CERKL: variants seen among roughly 807,000 people sequenced by gnomAD.
CERKL encodes the protein CERK like autophagy regulator, also known as ceramide kinase-like protein.
A neutral mutation model predicts 63.4 loss-of-function variants in CERKL; 61 were observed. The ratio of observed to expected loss-of-function variants is 0.96; its 90% CI spans 0.78 to 1.19. The LOEUF (loss-of-function observed/expected upper bound fraction) is 1.19. CERKL is among the 50% of genes most tolerant of loss of function. CERKL has a pLI of 0.00. For missense variants in CERKL, 675 were observed against 655.5 expected (o/e 1.03, Z -0.33); for synonymous variants, 250 against 230.5 (o/e 1.08, Z -0.77).
chr2:181,612,629 T>C (rs190083232), intron 1 of CERKL, among the ~76,000 whole-genome samples: 10 of 152,164 alleles, frequency 6.6e-5, no homozygotes, highest in African/African-American at 2.4e-4. Context: ...ATTATAAGAT[T>C]AATAATGGAC....
At chr2:181,566,727 A>T (rs927355879) in intron 3 of CERKL, among the ~76,000 whole-genome samples, 1 of 152,116 alleles carries the variant, frequency 6.6e-6, no homozygotes, top group Non-Finnish European at 1.5e-5. Flanking sequence ...TGAATCTGTC[A>T]CTCTGTATCG....
intron 2 of CERKL, among the ~76,000 whole-genome samples, chr2:181,578,480 T>C (rs1469164888): frequency 6.6e-6 from 1 of 151,950 alleles, no homozygotes. Flanking sequence ...TTATATTTTT[T>C]CTAGAGATGG....
Position 181,537,139 on chromosome 2 carries a change from CGTT to C in CERKL, c.*1042_*1044del. The C allele has an allele frequency of 2.2e-6, 1 of 453,324 alleles. No homozygotes were observed. Among genetic ancestry groups the C allele is most frequent in the Non-Finnish European group, 4.4e-6 (1 of 226,556 alleles). The allele number at this position is 453,324 out of a possible 1,614,324, so 28.1% of individuals were successfully genotyped here. A position where few individuals can be genotyped will look rare whatever the true frequency, so the allele number is the denominator to read the frequency against. The stretch of plus-strand genomic sequence containing the variant: ...TATGTATTTTTAAAAAACTTTGTAT[CGTT>C]ATAAAAAGGCTAGTCATTCTTTCAG... On this transcript the variant is annotated 3_prime_UTR_variant, in exon 13 of 13. Coordinates refer to ENST00000410087, the MANE Select transcript of CERKL (RefSeq NM_201548.5).
At chr2:181,618,084 C>T (rs1246408745) in intron 1 of CERKL, among the ~76,000 whole-genome samples, 2 of 152,052 alleles carry the variant, frequency 1.3e-5, no homozygotes, top group Non-Finnish European at 2.9e-5. Flanking sequence ...TACATAGGAA[C>T]AGAGTGTGGA....
chr2:181,654,302 G>A (rs1366563822), intron 1 of CERKL, among the ~76,000 whole-genome samples: 1 of 151,970 alleles, frequency 6.6e-6, no homozygotes, highest in African/African-American at 2.4e-5. Context: ...CCAATAAAAA[G>A]AACTACAATT....
At chr2:181,628,122 G>A (rs1235568566) in intron 1 of CERKL, among the ~76,000 whole-genome samples, 1 of 152,014 alleles carries the variant, frequency 6.6e-6, no homozygotes, top group Non-Finnish European at 1.5e-5. Flanking sequence ...GATGACCTTG[G>A]TAGTAATCAG....
chr2:181,541,068 G>A (rs1291917409), intron 11 of CERKL, among the ~76,000 whole-genome samples: 1 of 152,198 alleles, frequency 6.6e-6, no homozygotes, highest in Non-Finnish European at 1.5e-5. Context: ...TCAAATTCCT[G>A]TATTGAAATC....
intron 2 of CERKL, among the ~76,000 whole-genome samples, chr2:181,599,087 G>A (rs1027383302): frequency 6.6e-6 from 1 of 152,146 alleles, no homozygotes; most frequent in Non-Finnish European, 1.5e-5. Flanking sequence ...AATATGTATT[G>A]CAAGGAAACT....
chr2:181,542,685 G>C (rs1349579410), intron 11 of CERKL, among the ~76,000 whole-genome samples: 2 of 151,348 alleles, frequency 1.3e-5, no homozygotes, highest in Non-Finnish European at 2.9e-5. Flanking sequence ...AAATAAATCA[G>C]AGTTAAGGCC....
At position 181,548,848 on chromosome 2, in the gene CERKL, T is replaced by C. The variant is rs749363766; in HGVS notation, c.905A>G (p.Gln302Arg). 1.9e-6 allele frequency: 3 copies of C among 1,613,838 alleles called. No individual in the cohort carries two copies. In the South Asian group the frequency reaches 3.3e-5, roughly 18 times the overall value. ...GCTGAAGGTGCAGACGTCGACCAGCTGTACATGCCCTTGAATATTACATTA... is the reference window on the plus strand; with the variant it reads ...GCTGAAGGTGCAGACGTCGACCAGCCGTACATGCCCTTGAATATTACATTA... ...ATLHIIMGHVQLVDVCTFSTA... is the reference protein window; with the variant it reads ...ATLHIIMGHVRLVDVCTFSTA... The change falls in exon 7 of 13, where the codon CAG (glutamine) becomes CGG (arginine). Residue 302 changes from glutamine (Q) to arginine (R), a missense_variant. Coordinates refer to ENST00000410087, the MANE Select transcript of CERKL (RefSeq NM_201548.5).
intron 1 of CERKL, among the ~76,000 whole-genome samples, chr2:181,644,387 C>T (rs1189742274): frequency 1.3e-5 from 2 of 152,166 alleles, no homozygotes; most frequent in Admixed American, 6.5e-5. Context: ...ATAAATAAAC[C>T]CATGTATGAT....
intron 1 of CERKL, among the ~76,000 whole-genome samples, chr2:181,641,419 G>A (rs1374757128): frequency 1.3e-5 from 2 of 148,962 alleles, no homozygotes; most frequent in African/African-American, 2.5e-5. Flanking sequence ...GAACTCCTGG[G>A]CTCAAGCAAT....
At chr2:181,590,995 A>T (rs1014832671) in intron 2 of CERKL, among the ~76,000 whole-genome samples, 20 of 145,782 alleles carry the variant, frequency 1.4e-4, no homozygotes, top group African/African-American at 4.8e-4. Context: ...TACTAGAAAC[A>T]GTCAAAATGT....
chr2:181,578,947 A>G (rs1426590690), intron 2 of CERKL, among the ~76,000 whole-genome samples: 1 of 152,032 alleles, frequency 6.6e-6, no homozygotes, highest in African/African-American at 2.4e-5. Flanking sequence ...TGGATCAAAG[A>G]GTACGTACTC....
chr2:181,632,314 C>A (rs1471431025), intron 1 of CERKL, among the ~76,000 whole-genome samples: 8 of 152,084 alleles, frequency 5.3e-5, no homozygotes, highest in Admixed American at 3.9e-4. Context: ...AAACAGAAAT[C>A]CCTTAACACT....
intron 1 of CERKL, among the ~76,000 whole-genome samples, chr2:181,614,891 T>C (rs1686125766): frequency 1.3e-5 from 2 of 152,204 alleles, no homozygotes; most frequent in African/African-American, 4.8e-5. Context: ...TTGATATCAG[T>C]AGATAAAAAT....
chr2:181,545,855 A>T (rs1687704763), intron 10 of CERKL, among the ~76,000 whole-genome samples: 1 of 152,228 alleles, frequency 6.6e-6, no homozygotes, highest in Non-Finnish European at 1.5e-5. Flanking sequence ...TACTTGAAAT[A>T]GAAACACAAC....
intron 3 of CERKL, among the ~76,000 whole-genome samples, chr2:181,573,043 C>A (rs1218523002): frequency 1.3e-5 from 2 of 151,896 alleles, no homozygotes; most frequent in Admixed American, 1.3e-4. Context: ...TTAGCGAAGC[C>A]ACATAGAAAT....
intron 3 of CERKL, among the ~76,000 whole-genome samples, chr2:181,566,737 G>A (rs573850071): frequency 1.3e-5 from 2 of 152,230 alleles, no homozygotes; most frequent in South Asian, 2.1e-4. Flanking sequence ...ACTCTGTATC[G>A]CTGTCTCCAC....
Sources: gnomAD v4.1 joint callset for allele counts (sites outside exome capture counted in the v4.1 genomes callset) on GRCh38, gnomAD v4.1.1 for gene constraint, MANE v1.5 for transcripts, NCBI Gene and HGNC (gene_info 2026-07-23, HGNC 2026-07-21) for gene names.